Variants in OXR1 observed in about 807,000 individuals in gnomAD.
OXR1 encodes oxidation resistance 1.
In OXR1, 41 loss-of-function variants were observed where a neutral mutation model predicts 104.6. The ratio of observed to expected loss-of-function variants is 0.39; its 90% CI spans 0.31 to 0.51. The LOEUF is 0.51. Among genes scored for constraint, OXR1 ranks in the 20% least tolerant of loss-of-function variants. OXR1 has a pLI of 0.77. For missense variants in OXR1, 955 were observed against 1,031.9 expected (o/e 0.93, Z 1.02); for synonymous variants, 348 against 348.4 (o/e 1.00, Z 0.01).
chr8:106,436,417 T>TA (rs1186509107), intron 2 of OXR1, among the ~76,000 whole-genome samples: 2 of 151,970 alleles, frequency 1.3e-5, no homozygotes, highest in Non-Finnish European at 2.9e-5. Context: ...TAGCCCCATT[T>TA]AAAATCCAAA....
chr8:106,481,318 A>C (rs889049502), intron 2 of OXR1, among the ~76,000 whole-genome samples: 21 of 152,048 alleles, frequency 1.4e-4, no homozygotes, highest in African/African-American at 4.8e-4. Flanking sequence ...AATTTAAACA[A>C]ATAAGCTTTT....
intron 3 of OXR1, among the ~76,000 whole-genome samples, chr8:106,524,315 GA>G (rs1216875874): frequency 6.6e-6 from 1 of 152,190 alleles, no homozygotes; most frequent in Non-Finnish European, 1.5e-5. Flanking sequence ...AGGTAGTAAA[GA>G]AAACTGTGCA....
chr8:106,658,925 A>C (rs73699979), intron 3 of OXR1, among the ~76,000 whole-genome samples: 1 of 152,200 alleles, frequency 6.6e-6, no homozygotes, highest in Non-Finnish European at 1.5e-5. Context: ...TGCATAGGGT[A>C]ACTTCCAGTG....
chr8:106,577,651 A>C (rs918793406), intron 3 of OXR1, among the ~76,000 whole-genome samples: 1 of 151,938 alleles, frequency 6.6e-6, no homozygotes. Flanking sequence ...CGGCTTCCCA[A>C]AGTGCTGGGA....
rs1667542891 is a variant in OXR1, at chr8:106,359,583, T to C, written c.-31T>C. 1 of 1,541,890 alleles carries C rather than the reference T, an allele frequency of 6.5e-7. No homozygotes were observed. The highest frequency in any genetic ancestry group is 1.4e-5 in the African/African-American group (1 of 72,838). The stretch of plus-strand genomic sequence containing the variant: ...GACCTGCTAATTTCCTGTTCTGGAA[T>C]CGAGAGAAGACTCCTCAACAAGTTG... On this transcript the variant is annotated 5_prime_UTR_variant, in exon 2 of 17. Coordinates refer to ENST00000517566, the MANE Select transcript of OXR1 (RefSeq NM_001198533.2).
intron 1 of OXR1, among the ~76,000 whole-genome samples, chr8:106,289,931 C>T (rs1812679341): frequency 6.6e-6 from 1 of 152,176 alleles, no homozygotes; most frequent in South Asian, 2.1e-4. Context: ...TTGACTGGCA[C>T]TTCTCCTTGC....
chr8:106,548,434 C>T (rs1441636212), intron 3 of OXR1, among the ~76,000 whole-genome samples: 1 of 152,148 alleles, frequency 6.6e-6, no homozygotes, highest in African/African-American at 2.4e-5. Context: ...CTTTGCCTCC[C>T]TCTTGCTTTA....
intron 1 of OXR1, among the ~76,000 whole-genome samples, chr8:106,280,894 A>G (rs1014251034): frequency 4.6e-5 from 7 of 152,182 alleles, no homozygotes; most frequent in Admixed American, 3.9e-4. Flanking sequence ...GTGCTCATCC[A>G]TGAGTTCTTT....
intron 3 of OXR1, among the ~76,000 whole-genome samples, chr8:106,559,836 C>T (rs1484704350): frequency 6.6e-6 from 1 of 152,142 alleles, no homozygotes; most frequent in Non-Finnish European, 1.5e-5. Context: ...CACCAACACA[C>T]TGCAGATTCG....
chr8:106,706,420 C>T lies in OXR1; in HGVS notation c.899C>T (p.Ser300Leu). 6.3e-7 allele frequency: 1 copy of T among 1,585,582 alleles called. No homozygotes were observed. The highest frequency in any genetic ancestry group is 8.5e-7 in the Non-Finnish European group (1 of 1,171,690). Residue 300 changes from serine to leucine, a missense_variant, in exon 9 of 17, where the codon TCA becomes TTA. Ser to Leu is a moderately radical substitution (Grantham distance 145). Coordinates refer to ENST00000517566, the MANE Select transcript of OXR1 (RefSeq NM_001198533.2). ...CTATCAGGAAGGGACTTCTGCCATT[C>T]AAAGAAAATGACAGGAAGTAACACT... ...DQLSGRDFCH[S>L]KKMTGSNTEE... is the part of the protein sequence containing the mutation.
At chr8:106,613,022 G>A (rs1820932115) in intron 3 of OXR1, among the ~76,000 whole-genome samples, 1 of 152,134 alleles carries the variant, frequency 6.6e-6, no homozygotes, top group Non-Finnish European at 1.5e-5. Flanking sequence ...AGGGAAAACA[G>A]GAGGCAAGTT....
chr8:106,297,566 A>T (rs1813050867), intron 1 of OXR1, among the ~76,000 whole-genome samples: 1 of 152,010 alleles, frequency 6.6e-6, no homozygotes, highest in Admixed American at 6.6e-5. Context: ...AATGGTAAGT[A>T]TTTGTGTATC....
Position 106,751,169 on chromosome 8 carries a change from A to T in OXR1, c.*228A>T, listed in dbSNP as rs992664465. On this transcript the variant is annotated 3_prime_UTR_variant, in exon 17 of 17. Transcript: ENST00000517566. ...GACTGCGTCCATGTACTAGTATAAC[A>T]GCTTGGGTTTGTTAGAATTTGGGCA... 5 of 335,058 alleles carry T rather than the reference A, an allele frequency of 1.5e-5. No individual in the cohort carries two copies. Among genetic ancestry groups the T allele is most frequent in the Admixed American group, 4.8e-5 (1 of 20,670 alleles). The allele number at this position is 335,058 out of a possible 1,614,324, so 20.8% of individuals were successfully genotyped here. A position where few individuals can be genotyped will look rare whatever the true frequency, so the allele number is the denominator to read the frequency against.
intron 11 of OXR1, among the ~76,000 whole-genome samples, chr8:106,737,233 G>A (rs938322343): frequency 3.3e-5 from 5 of 151,924 alleles, no homozygotes; most frequent in African/African-American, 9.7e-5. Flanking sequence ...AGTGTTTTCT[G>A]TATAAAAAAC....
At chr8:106,492,383 G>A (rs1337631200) in intron 2 of OXR1, among the ~76,000 whole-genome samples, 7 of 152,156 alleles carry the variant, frequency 4.6e-5, no homozygotes, top group Non-Finnish European at 2.9e-5. Flanking sequence ...GTAAAGTGTT[G>A]TTTTGTGTCC....
intron 7 of OXR1, among the ~76,000 whole-genome samples, chr8:106,695,725 G>A (rs1829955993): frequency 6.6e-6 from 1 of 151,972 alleles, no homozygotes; most frequent in Non-Finnish European, 1.5e-5. Flanking sequence ...GCACGTTTAT[G>A]TACATTTTCA....
chr8:106,397,346 C>A (rs146444772), intron 2 of OXR1, among the ~76,000 whole-genome samples: 344 of 152,198 alleles, frequency 2.3e-3, no homozygotes, highest in Middle Eastern at 0.014. Context: ...ACCTTTGAAT[C>A]TTAAATAACA....
chr8:106,369,673 T>C (rs965515272), intron 2 of OXR1, among the ~76,000 whole-genome samples: 4 of 152,208 alleles, frequency 2.6e-5, no homozygotes, highest in African/African-American at 9.6e-5. Context: ...CCATTGCTTG[T>C]TTTTGTCAGG....
intron 2 of OXR1, among the ~76,000 whole-genome samples, chr8:106,510,139 A>T (rs979555582): frequency 3.9e-5 from 6 of 152,208 alleles, no homozygotes; most frequent in Admixed American, 2.6e-4. Flanking sequence ...TTTAATCATT[A>T]TATCCACTAC....
Sources: gnomAD v4.1 joint callset for allele counts (sites outside exome capture counted in the v4.1 genomes callset) on GRCh38, gnomAD v4.1.1 for gene constraint, MANE v1.5 for transcripts, NCBI Gene and HGNC (gene_info 2026-07-23, HGNC 2026-07-21) for gene names.